BMPER: variants seen among roughly 807,000 people sequenced by gnomAD.
BMPER encodes BMP-binding endothelial regulator protein.
In BMPER, 45 loss-of-function variants were observed where a neutral mutation model predicts 87.3. That is an observed-to-expected ratio of 0.52 (90% CI 0.41 to 0.66). The LOEUF is 0.66. BMPER is among the 30% of genes least tolerant of loss of function. The probability of loss-of-function intolerance (pLI) is 0.00; values close to 1 mark genes in which losing one functional copy is unlikely to be tolerated. For synonymous variants in BMPER, 326 were observed against 316.2 expected (o/e 1.03, Z -0.33); for missense variants, 784 against 867.5 (o/e 0.90, Z 1.21).
At chr7:33,952,779 T>C (rs912129916) in intron 3 of BMPER, among the ~76,000 whole-genome samples, 2 of 152,254 alleles carry the variant, frequency 1.3e-5, no homozygotes, top group African/African-American at 2.4e-5. Flanking sequence ...ATTTTCTTTT[T>C]AGAATTAAAT....
intron 14 of BMPER, among the ~76,000 whole-genome samples, chr7:34,145,508 A>G (rs1391365792): frequency 1.3e-5 from 2 of 152,192 alleles, no homozygotes; most frequent in African/African-American, 2.4e-5. Flanking sequence ...GTCCACCTCT[A>G]ACCTAATGCA....
chr7:34,063,747 G>C (rs1214629851), intron 11 of BMPER, among the ~76,000 whole-genome samples: 1 of 152,188 alleles, frequency 6.6e-6, no homozygotes, highest in Non-Finnish European at 1.5e-5. Context: ...TTCAGAGGCT[G>C]CCTTCCAGTT....
chr7:34,141,012 A>G (rs532609198), intron 13 of BMPER, among the ~76,000 whole-genome samples: 28 of 152,270 alleles, frequency 1.8e-4, no homozygotes, highest in African/African-American at 6.3e-4. Context: ...GGGAAAGTGA[A>G]GTAGGAATGG....
At chr7:33,937,131 T>C (rs905795931) in intron 2 of BMPER, among the ~76,000 whole-genome samples, 158 bp from the exon 3 acceptor site, 4 of 152,214 alleles carry the variant, frequency 2.6e-5, no homozygotes, top group Non-Finnish European at 5.9e-5. Flanking sequence ...TGGGTATTTC[T>C]GTTTCAGAGA....
intron 6 of BMPER, among the ~76,000 whole-genome samples, chr7:34,014,093 G>A (rs1049101975): frequency 1.4e-4 from 21 of 152,054 alleles, no homozygotes; most frequent in African/African-American, 4.6e-4. Context: ...ACAGTGCTGT[G>A]AAATACTAGA....
chr7:34,150,718 A>G (rs1302323910), intron 14 of BMPER, among the ~76,000 whole-genome samples: 1 of 152,052 alleles, frequency 6.6e-6, no homozygotes, highest in Non-Finnish European at 1.5e-5. Flanking sequence ...CCACCCACTC[A>G]CTCACCCATG....
intron 2 of BMPER, among the ~76,000 whole-genome samples, chr7:33,924,818 C>T (rs977523414): frequency 1.3e-5 from 2 of 152,128 alleles, no homozygotes; most frequent in African/African-American, 4.8e-5. Context: ...CAGGCACGCG[C>T]CACCAGCTAA....
At chr7:34,066,903 C>G (rs1273695122) in intron 11 of BMPER, among the ~76,000 whole-genome samples, 1 of 152,116 alleles carries the variant, frequency 6.6e-6, no homozygotes, top group Non-Finnish European at 1.5e-5. Context: ...GAAAATTAAT[C>G]TCTCAGCCAT....
intron 2 of BMPER, among the ~76,000 whole-genome samples, chr7:33,930,563 G>A (rs538371187): frequency 2.0e-5 from 3 of 152,230 alleles, no homozygotes; most frequent in East Asian, 1.9e-4. Flanking sequence ...GTTCATGCTC[G>A]TTTGCTCAGG....
intron 3 of BMPER, among the ~76,000 whole-genome samples, chr7:33,945,431 T>C (rs1354031698): frequency 6.6e-6 from 1 of 151,644 alleles, no homozygotes; most frequent in Non-Finnish European, 1.5e-5. Context: ...TTTGTATTTT[T>C]AGTAGAGACG....
In BMPER at chr7:34,079,216, T is replaced by G. The variant is rs140776437; in HGVS notation, c.1408+30T>G. Reference sequence around the variant, plus strand: ...GGCGTCTGTGGCCTCCCTCTTGCTCTAGCCTCCGCCTCACTTACCCGTTCA... The same window carrying G: ...GGCGTCTGTGGCCTCCCTCTTGCTCGAGCCTCCGCCTCACTTACCCGTTCA... On this transcript the variant is annotated intron_variant, in intron 12 of 14. Transcript: ENST00000649409. 4.3e-6 allele frequency: 7 copies of G among 1,612,044 alleles called. No individual in the cohort carries two copies. The East Asian group carries it at 1.3e-4, about 31-fold the overall frequency.
intron 3 of BMPER, among the ~76,000 whole-genome samples, chr7:33,951,311 G>A (rs1371837796): frequency 6.6e-6 from 1 of 152,138 alleles, no homozygotes; most frequent in Non-Finnish European, 1.5e-5. Context: ...GCCTCCTGAA[G>A]TGCTGGGATA....
chr7:33,974,740 G>A lies in BMPER; in HGVS notation c.532G>A (p.Glu178Lys). The A allele has an allele frequency of 6.2e-7, 1 of 1,614,026 alleles. No homozygotes were observed. The highest frequency in any genetic ancestry group is 8.5e-7 in the Non-Finnish European group (1 of 1,180,006). Residue 178 changes from glutamate (E) to lysine (K), a missense_variant, in exon 6 of 15, where the codon GAA (glutamate) becomes AAA (lysine). Physicochemically the swap from Glu to Lys is moderately conservative, Grantham distance 56 (BLOSUM62 1). Transcript: ENST00000649409. The stretch of plus-strand genomic sequence containing the variant: ...GGGTGTGCAGTATCAAGAAGGGGAG[G>A]AATTTCAGCCAGAAGGAAGCAAATG... ...FEGVQYQEGE[E>K]FQPEGSKCTK...
At chr7:33,985,910 G>C in intron 6 of BMPER, among the ~76,000 whole-genome samples, 1 of 152,078 alleles carries the variant, frequency 6.6e-6, no homozygotes, top group East Asian at 1.9e-4. Context: ...CATATGGCAT[G>C]GTAGATAATT....
intron 6 of BMPER, among the ~76,000 whole-genome samples, chr7:34,010,403 CTTG>C (rs1010956574): frequency 4.1e-4 from 62 of 151,986 alleles, no homozygotes; most frequent in Admixed American, 2.6e-3. Flanking sequence ...TTTAAAATTA[CTTG>C]TTGTATGAGA....
chr7:33,951,834 G>A (rs1220787299), intron 3 of BMPER, among the ~76,000 whole-genome samples: 2 of 152,196 alleles, frequency 1.3e-5, no homozygotes, highest in African/African-American at 4.8e-5. Context: ...CCTGGCCATG[G>A]TGGAGGAGGG....
intron 2 of BMPER, among the ~76,000 whole-genome samples, chr7:33,909,206 G>A (rs1253482351): frequency 1.3e-5 from 2 of 152,128 alleles, no homozygotes; most frequent in East Asian, 3.8e-4. Flanking sequence ...TGAGGAAACT[G>A]AGGCATAGGG....
Position 34,055,159 on chromosome 7 carries a change from C to T in BMPER, c.787-4C>T. On this transcript the variant is annotated splice_region_variant and splice_polypyrimidine_tract_variant and intron_variant, in intron 8 of 14. Coordinates refer to ENST00000649409, the MANE Select transcript of BMPER (RefSeq NM_001365308.1). ...TAATTTCTATTTTGCCTTTGGGCCC[C>T]CAGGACTCTACTGTGGTTTGCAAGA... is the stretch of plus-strand genomic sequence containing the variant. 9 of 1,614,072 alleles carry T rather than the reference C, an allele frequency of 5.6e-6. No homozygotes were observed. The highest frequency in any genetic ancestry group is 7.6e-6 in the Non-Finnish European group (9 of 1,179,996).
At chr7:34,054,508 C>CT (rs1010965366) in intron 8 of BMPER, among the ~76,000 whole-genome samples, 3 of 152,086 alleles carry the variant, frequency 2.0e-5, no homozygotes, top group Admixed American at 6.5e-5. Context: ...CAGAAGAGCA[C>CT]TTTTTTTTGA....
Sources: allele counts gnomAD v4.1 joint callset (sites outside exome capture counted in the v4.1 genomes callset), GRCh38; gene constraint gnomAD v4.1.1; transcripts MANE v1.5; gene names NCBI Gene and HGNC (gene_info 2026-07-23, HGNC 2026-07-21).